SSBP2: variants seen among roughly 807,000 people sequenced by gnomAD.
SSBP2 encodes the protein single stranded DNA binding protein 2.
Under a neutral mutation model 61.8 loss-of-function variants are expected in SSBP2, and 17 were observed. The observed-to-expected ratio is 0.28, with a 90% CI of 0.19 to 0.41. The LOEUF is 0.41. Among genes scored for constraint, SSBP2 ranks in the 10% least tolerant of loss-of-function variants. The probability of loss-of-function intolerance (pLI) is 1.00; values close to 1 mark genes in which losing one functional copy is unlikely to be tolerated. For missense variants in SSBP2, 310 were observed against 458.7 expected, an observed-to-expected ratio of 0.68 and a Z score of 2.96; for synonymous variants, 139 against 141.3, an observed-to-expected ratio of 0.98 and a Z score of 0.12.
At position 81,440,613 on chromosome 5, in the gene SSBP2, A is replaced by T. The variant is rs762456488; in HGVS notation, c.873T>A (p.Asp291Glu). ...TTCCTCCTAATCCACCCATGGGACCATCTGACCCAGGACCCATTGGAAACT... is the reference window on the plus strand; with the variant it reads ...TTCCTCCTAATCCACCCATGGGACCTTCTGACCCAGGACCCATTGGAAACT... Residue 291 changes from aspartate (D) to glutamate (E), a missense_variant, in exon 14 of 17, where the codon GAT becomes GAA. Asp to Glu is a conservative substitution (Grantham distance 45). Transcript: ENST00000320672. 23 of 1,613,012 alleles carry T rather than the reference A, an allele frequency of 1.4e-5. No homozygotes were observed. The South Asian group carries it at 2.5e-4, about 18-fold the overall frequency.
At chr5:81,542,817 TTCTCTCTCTCTCTCTC>T (rs60252222) in intron 4 of SSBP2, among the ~76,000 whole-genome samples, 1 of 106,722 alleles carries the variant, frequency 9.4e-6, no homozygotes, top group African/African-American at 4.1e-5. Flanking sequence ...ATTTGACAGT[TTCTCTCTCTCTCTCTC>T]TCTCTCTCTC....
intron 8 of SSBP2, among the ~76,000 whole-genome samples, chr5:81,471,868 T>G (rs191661967): frequency 6.6e-6 from 1 of 152,112 alleles, no homozygotes; most frequent in Admixed American, 6.5e-5. Context: ...AAAGTCTGGC[T>G]AAATGAACCC....
intron 6 of SSBP2, among the ~76,000 whole-genome samples, chr5:81,475,416 C>T (rs879644541): frequency 2.0e-5 from 3 of 152,050 alleles, no homozygotes; most frequent in Non-Finnish European, 2.9e-5. Context: ...AAATTGTTAT[C>T]ACTTGGGATG....
intron 16 of SSBP2, among the ~76,000 whole-genome samples, chr5:81,428,227 A>G (rs1462255760): frequency 1.3e-5 from 2 of 152,200 alleles, no homozygotes; most frequent in Non-Finnish European, 2.9e-5. Flanking sequence ...GACTTTTTAG[A>G]TTTTGAGGAC....
chr5:81,440,310 T>C (rs1285798816), intron 14 of SSBP2, among the ~76,000 whole-genome samples: 1 of 152,196 alleles, frequency 6.6e-6, no homozygotes, highest in African/African-American at 2.4e-5. Context: ...TGGTAAGACA[T>C]GAGATTTCTA....
At chr5:81,742,434 A>G (rs1291867123) in intron 1 of SSBP2, among the ~76,000 whole-genome samples, 3 of 152,218 alleles carry the variant, frequency 2.0e-5, no homozygotes, top group African/African-American at 7.2e-5. Context: ...TTTCCAATTC[A>G]TTACATCCTT....
intron 4 of SSBP2, among the ~76,000 whole-genome samples, chr5:81,591,064 A>C (rs1333114344): frequency 1.3e-5 from 2 of 152,228 alleles, no homozygotes; most frequent in African/African-American, 4.8e-5. Context: ...TCAGCTTCAG[A>C]CAGAGGGGCA....
intron 4 of SSBP2, among the ~76,000 whole-genome samples, chr5:81,549,240 C>A (rs1307010672): frequency 6.6e-6 from 1 of 152,104 alleles, no homozygotes; most frequent in Non-Finnish European, 1.5e-5. Context: ...AAATAAGGAG[C>A]ATTTGGTTTA....
At chr5:81,488,040 TATATATATATATATATATAA>T (rs1234466825) in intron 6 of SSBP2, among the ~76,000 whole-genome samples, 7 of 28,498 alleles carry the variant, frequency 2.5e-4, no homozygotes, top group South Asian at 1.8e-3. Context: ...TATATATATA[TATATATATATATATATATAA>T]ATAAAATATC....
At chr5:81,432,758 G>C (rs929939908) in intron 15 of SSBP2, among the ~76,000 whole-genome samples, 7 of 144,420 alleles carry the variant, frequency 4.8e-5, no homozygotes, top group East Asian at 2.0e-4. Context: ...GGAGGGAGGT[G>C]GGGGGGTCAG....
chr5:81,742,194 T>C (rs564759692), intron 1 of SSBP2, among the ~76,000 whole-genome samples: 1 of 152,326 alleles, frequency 6.6e-6, no homozygotes, highest in South Asian at 2.1e-4. Context: ...TACAATTTCA[T>C]TTATATTAAA....
intron 1 of SSBP2, among the ~76,000 whole-genome samples, chr5:81,652,540 A>AC (rs1484803098): frequency 6.6e-6 from 1 of 152,142 alleles, no homozygotes; most frequent in Non-Finnish European, 1.5e-5. Context: ...GCTCATTGTT[A>AC]CCAACAGGGT....
chr5:81,443,794 C>T (rs1763191103), intron 12 of SSBP2, among the ~76,000 whole-genome samples: 1 of 152,194 alleles, frequency 6.6e-6, no homozygotes, highest in South Asian at 2.1e-4. Context: ...GATCTCCTGA[C>T]CCTGTGATCT....
chr5:81,623,525 C>T (rs550459633), intron 3 of SSBP2, among the ~76,000 whole-genome samples: 8 of 151,804 alleles, frequency 5.3e-5, no homozygotes, highest in Non-Finnish European at 1.0e-4. Context: ...TTAGTAGAGA[C>T]GGGGTTTCAC....
intron 12 of SSBP2, among the ~76,000 whole-genome samples, chr5:81,443,852 G>A (rs181152060): frequency 2.0e-5 from 3 of 152,122 alleles, no homozygotes; most frequent in African/African-American, 4.8e-5. Context: ...GTGAGCCACC[G>A]CGCCCCGCCA....
chr5:81,480,160 A>T lies in SSBP2; in HGVS notation c.433-5598T>A, dbSNP rs189519678. On this transcript the variant is annotated intron_variant, in intron 6 of 16. Coordinates refer to ENST00000320672, the MANE Select transcript of SSBP2 (RefSeq NM_012446.5). The stretch of plus-strand genomic sequence containing the variant: ...TAAAAATTTATTAAAACAAATAATT[A>T]AATGGGGGAACTGCCTGCTTCATAA... Among the ~76,000 whole-genome samples the T allele has an allele frequency of 1.6e-4, 25 of 152,340 alleles. 1 individual carries two copies. Among genetic ancestry groups the T allele is most frequent in the Middle Eastern group, 3.4e-3 (1 of 294 alleles).
intron 5 of SSBP2, among the ~76,000 whole-genome samples, chr5:81,510,209 G>T (rs1007978934): frequency 3.9e-5 from 6 of 152,042 alleles, no homozygotes. Flanking sequence ...CCTAGGACAG[G>T]TCTATCAGCT....
At chr5:81,522,904 T>C (rs1447033888) in intron 4 of SSBP2, among the ~76,000 whole-genome samples, 1 of 152,038 alleles carries the variant, frequency 6.6e-6, no homozygotes, top group African/African-American at 2.4e-5. Context: ...TTCAATCCTT[T>C]AGGCTTCCAA....
chr5:81,592,876 C>A (rs570146211), intron 4 of SSBP2, among the ~76,000 whole-genome samples: 38 of 152,208 alleles, frequency 2.5e-4, no homozygotes, highest in Non-Finnish European at 4.7e-4. Flanking sequence ...GTGGATACAA[C>A]CACAAAGATG....
Sources: allele counts gnomAD v4.1 joint callset (sites outside exome capture counted in the v4.1 genomes callset), GRCh38; gene constraint gnomAD v4.1.1; transcripts MANE v1.5; gene names NCBI Gene and HGNC (gene_info 2026-07-23, HGNC 2026-07-21).